AJAP1: variants seen among roughly 807,000 people sequenced by gnomAD.
AJAP1 encodes the protein adherens junctions associated protein 1, also known as adherens junction-associated protein 1.
In AJAP1, 5 loss-of-function variants were observed where a neutral mutation model predicts 35.0. The observed-to-expected ratio is 0.14, with a 90% CI of 0.07 to 0.30. The LOEUF (loss-of-function observed/expected upper bound fraction) is 0.30, where lower values mean the gene tolerates loss of function less well. AJAP1 is among the 10% of genes least tolerant of loss of function. AJAP1 has a pLI of 1.00. For missense variants in AJAP1, 586 were observed against 571.0 expected (o/e 1.03, Z -0.27); for synonymous variants, 284 against 249.3 (o/e 1.14, Z -1.31).
intron 1 of AJAP1, among the ~76,000 whole-genome samples, chr1:4,671,724 C>G (rs532789712): frequency 1.4e-4 from 22 of 152,330 alleles, no homozygotes; most frequent in African/African-American, 5.3e-4. Context: ...TGCTTTTAAT[C>G]TGAAAGGTAT....
chr1:4,762,354 A>G (rs1641585373), intron 2 of AJAP1, among the ~76,000 whole-genome samples: 1 of 152,220 alleles, frequency 6.6e-6, no homozygotes, highest in African/African-American at 2.4e-5. Flanking sequence ...GCCTGGCCAG[A>G]TAATACAACG....
At chr1:4,661,103 T>G (rs1200462261) in intron 1 of AJAP1, among the ~76,000 whole-genome samples, 1 of 152,154 alleles carries the variant, frequency 6.6e-6, no homozygotes, top group Non-Finnish European at 1.5e-5. Context: ...TATCACCTCA[T>G]TTGGGGCTTT....
chr1:4,712,834 G>A, intron 2 of AJAP1, 135 bp downstream of exon 2: 1 of 913,312 alleles, frequency 1.1e-6, no homozygotes, highest in Non-Finnish European at 1.6e-6. Flanking sequence ...ATGTGTCCAT[G>A]AGCTTGCACA....
chr1:4,689,047 GC>G (rs1639672801), intron 1 of AJAP1, among the ~76,000 whole-genome samples: 1 of 151,976 alleles, frequency 6.6e-6, no homozygotes. Flanking sequence ...GACCCCGCCT[GC>G]CCCCCTCACT....
chr1:4,771,184 C>A (rs142544434), intron 3 of AJAP1, among the ~76,000 whole-genome samples: 1 of 152,118 alleles, frequency 6.6e-6, no homozygotes, highest in African/African-American at 2.4e-5. Flanking sequence ...GAGAACAGCC[C>A]GGGAGGATGG....
chr1:4,727,344 C>T (rs1227950126), intron 2 of AJAP1, among the ~76,000 whole-genome samples: 1 of 152,150 alleles, frequency 6.6e-6, no homozygotes, highest in East Asian at 1.9e-4. Flanking sequence ...TTCAGGGGTC[C>T]CAGCCCATTG....
rs1468201552 is a variant in AJAP1 at position 4,790,921 on chromosome 1, T to C, written c.*8436T>C. ...CTTCTCAGAAGTGTTTCTGTTTTTTTGTTTTTGTTTTTGTTTTTGTTTTTG... is the reference window on the plus strand; with the variant it reads ...CTTCTCAGAAGTGTTTCTGTTTTTTCGTTTTTGTTTTTGTTTTTGTTTTTG... On this transcript the variant is annotated 3_prime_UTR_variant, in exon 6 of 6. Transcript: ENST00000378191. 1 of 146,800 alleles carries C rather than the reference T, an allele frequency of 6.8e-6. No individual in the cohort carries two copies. The highest frequency in any genetic ancestry group is 1.5e-5 in the Non-Finnish European group (1 of 66,900). 9.1% of individuals were successfully genotyped at this position (146,800 alleles called of 1,614,324 possible).
At chr1:4,760,158 A>C (rs1252316932) in intron 2 of AJAP1, among the ~76,000 whole-genome samples, 1 of 152,106 alleles carries the variant, frequency 6.6e-6, no homozygotes, top group Non-Finnish European at 1.5e-5. Context: ...CAAGCCAAAA[A>C]TTCAGGCCGT....
intron 1 of AJAP1, among the ~76,000 whole-genome samples, chr1:4,667,222 T>C (rs548728774): frequency 6.6e-5 from 10 of 152,240 alleles, no homozygotes; most frequent in South Asian, 2.1e-4. Flanking sequence ...ATTCCCAGGC[T>C]CTGCTTTTAC....
intron 2 of AJAP1, among the ~76,000 whole-genome samples, chr1:4,737,585 CTTG>C (rs1455149555): frequency 6.6e-6 from 1 of 151,938 alleles, no homozygotes; most frequent in Non-Finnish European, 1.5e-5. Context: ...TCCTGAGGCC[CTTG>C]TTGTGGGTTT....
At chr1:4,701,262 G>T (rs1008560467) in intron 1 of AJAP1, among the ~76,000 whole-genome samples, 1 of 152,190 alleles carries the variant, frequency 6.6e-6, no homozygotes, top group African/African-American at 2.4e-5. Flanking sequence ...AATATGCACC[G>T]TCTAGTCTCC....
intron 2 of AJAP1, among the ~76,000 whole-genome samples, chr1:4,719,574 A>G (rs1456286853): frequency 6.6e-6 from 1 of 152,116 alleles, no homozygotes; most frequent in Non-Finnish European, 1.5e-5. Flanking sequence ...GGGCTGAGAT[A>G]GAGTAGGCAG....
intron 1 of AJAP1, among the ~76,000 whole-genome samples, chr1:4,694,635 G>A (rs556657224): frequency 2.1e-3 from 316 of 152,346 alleles, no homozygotes; most frequent in Non-Finnish European, 3.6e-3. Flanking sequence ...TGGGTCACGC[G>A]AGGGGTCTCC....
At chr1:4,707,753 T>C (rs1260795691) in intron 1 of AJAP1, among the ~76,000 whole-genome samples, 1 of 152,072 alleles carries the variant, frequency 6.6e-6, no homozygotes, top group Admixed American at 6.6e-5. Flanking sequence ...TGTGGACAGA[T>C]GTCTGTGCCT....
chr1:4,774,184 G>T (rs553839231), intron 4 of AJAP1, among the ~76,000 whole-genome samples: 3 of 152,204 alleles, frequency 2.0e-5, no homozygotes, highest in Non-Finnish European at 4.4e-5. Context: ...CAAAGTGCTC[G>T]TGTGCCCAGA....
chr1:4,696,541 A>G (rs3886389), intron 1 of AJAP1, among the ~76,000 whole-genome samples: 65,753 of 152,122 alleles, frequency 0.43, 14,486 homozygotes, highest in South Asian at 0.49. Flanking sequence ...GCCGGGCTGC[A>G]TCTGCTCTAG....
chr1:4,749,730 G>A (rs930847459), intron 2 of AJAP1, among the ~76,000 whole-genome samples: 1 of 152,256 alleles, frequency 6.6e-6, no homozygotes, highest in African/African-American at 2.4e-5. Flanking sequence ...CATCCAGGCA[G>A]GTGTTTCATG....
chr1:4,662,783 A>G (rs144727718), intron 1 of AJAP1, among the ~76,000 whole-genome samples: 32 of 152,384 alleles, frequency 2.1e-4, no homozygotes, highest in Non-Finnish European at 3.4e-4. Context: ...TTCGCATTCA[A>G]TAAGCATTTA....
intron 1 of AJAP1, among the ~76,000 whole-genome samples, chr1:4,707,585 G>C (rs1380770350): frequency 6.6e-6 from 1 of 152,160 alleles, no homozygotes; most frequent in Non-Finnish European, 1.5e-5. Flanking sequence ...CATAGATCAA[G>C]TAATCCTGCC....
Sources: gnomAD v4.1 joint callset for allele counts (sites outside exome capture counted in the v4.1 genomes callset) on GRCh38, gnomAD v4.1.1 for gene constraint, MANE v1.5 for transcripts, NCBI Gene and HGNC (gene_info 2026-07-23, HGNC 2026-07-21) for gene names.